Variants in DGKZ observed in about 807,000 individuals in gnomAD.
DGKZ encodes the protein diacylglycerol kinase zeta, also known as DAG kinase zeta.
A neutral mutation model predicts 142.5 loss-of-function variants in DGKZ; 45 were observed. That is an observed-to-expected ratio of 0.32 (90% confidence interval 0.25 to 0.40). The LOEUF (loss-of-function observed/expected upper bound fraction) is 0.40. DGKZ is among the 10% of genes least tolerant of loss of function. The probability of loss-of-function intolerance (pLI) is 1.00; values close to 1 mark genes in which losing one functional copy is unlikely to be tolerated. For synonymous variants in DGKZ, 442 were observed against 527.0 expected (o/e 0.84, Z 2.21); for missense variants, 755 against 1,306.5 (o/e 0.58, Z 6.51).
At chr11:46,368,663 G>C (rs1049064445) in intron 4 of DGKZ, 6 of 196,184 alleles carry the variant, frequency 3.1e-5, no homozygotes, top group African/African-American at 4.7e-5. Context: ...GCTCACACAG[G>C]CTGCTTTCCC....
chr11:46,357,874 C>T (rs1324768240), intron 1 of DGKZ, among the ~76,000 whole-genome samples: 5 of 152,150 alleles, frequency 3.3e-5, no homozygotes, highest in African/African-American at 4.8e-5. Flanking sequence ...GTGCCAGGTG[C>T]GGCGGCACAG....
rs1026048523 is a variant in DGKZ, at chr11:46,347,475, AGCG to A, written c.-176_-174del. 1.0e-6 allele frequency: 1 copy of A among 981,550 alleles called. No individual in the cohort carries two copies. The highest frequency in any genetic ancestry group is 1.2e-6 in the Non-Finnish European group (1 of 828,572). 60.8% of individuals were successfully genotyped at this position (981,550 alleles called of 1,614,324 possible). ...GGCCGCGGCTGGCGGCACTTCCTGGAGCGGCGGCGGCAGCGGCTTCCCGGGCAC... is the reference window on the plus strand; with the variant it reads ...GGCCGCGGCTGGCGGCACTTCCTGGAGCGGCGGCAGCGGCTTCCCGGGCAC... On this transcript the variant is annotated 5_prime_UTR_variant, in exon 1 of 31. Transcript: ENST00000527911. This position sits in a 1 kb window ranked among gnomAD's most constrained non-coding sequence, Gnocchi z 6.4.
At chr11:46,341,344 A>G (rs1206989467) in intron 1 of DGKZ, among the ~76,000 whole-genome samples, 1 of 152,234 alleles carries the variant, frequency 6.6e-6, no homozygotes, top group Non-Finnish European at 1.5e-5. Context: ...AGCAAGACTA[A>G]GTGCACAAAA....
At chr11:46,346,371 C>T (rs1444126444), upstream of DGKZ, among the ~76,000 whole-genome samples, 1 of 152,098 alleles carries the variant, frequency 6.6e-6, no homozygotes, top group Non-Finnish European at 1.5e-5. Context: ...GACCATGCTT[C>T]CCAGCTCCTG....
intron 25 of DGKZ, chr11:46,377,871 G>T: frequency 2.5e-6 from 1 of 396,310 alleles, no homozygotes; most frequent in Non-Finnish European, 4.6e-6. Context: ...CAGCTTGGCT[G>T]TTTCCTCCTT....
At chr11:46,369,653 G>C in intron 5 of DGKZ, 103 bp downstream of exon 5, 3 of 1,458,164 alleles carry the variant, frequency 2.1e-6, no homozygotes, top group Non-Finnish European at 2.9e-6. Context: ...CTCCCTCTAG[G>C]CTGCTGCTCA....
Position 46,367,968 on chromosome 11 carries a change from G to C in DGKZ, c.367-34G>C, listed in dbSNP as rs751846039. ...GGCAGCCTCCGAGATAGACTTACCTGGTGCCTCAGGGGCCCTCTCTTCCTG... is the reference window on the plus strand; with the variant it reads ...GGCAGCCTCCGAGATAGACTTACCTCGTGCCTCAGGGGCCCTCTCTTCCTG... On this transcript the variant is annotated intron_variant, in intron 3 of 30. Coordinates refer to ENST00000527911, the Ensembl canonical transcript of DGKZ. This position sits in a 1 kb window ranked among gnomAD's most constrained non-coding sequence, Gnocchi z 4.1. The C allele has an allele frequency of 6.2e-7, 1 of 1,611,456 alleles. No individual in the cohort carries two copies. The highest frequency in any genetic ancestry group is 1.7e-5 in the Admixed American group (1 of 60,008).
chr11:46,371,836 GTAC>G (rs1565063700), intron 9 of DGKZ, 61 bp downstream of exon 9: 1 of 1,558,118 alleles, frequency 6.4e-7, no homozygotes, highest in Non-Finnish European at 8.7e-7. Context: ...GTTGCTCAGG[GTAC>G]AGAACTTCCA....
At chr11:46,376,972 T>G in intron 24 of DGKZ, 101 bp from the exon 25 acceptor site, 1 of 1,083,792 alleles carries the variant, frequency 9.2e-7, no homozygotes, top group Non-Finnish European at 1.4e-6. Flanking sequence ...CCTTTCAGTG[T>G]TTGTGCTCAT....
At chr11:46,338,223 G>T (rs974127897) in intron 1 of DGKZ, among the ~76,000 whole-genome samples, 11 of 152,148 alleles carry the variant, frequency 7.2e-5, no homozygotes, top group African/African-American at 2.7e-4. Flanking sequence ...CTTGCCGGGC[G>T]TGGTGGCTCA....
Position 46,366,618 on chromosome 11 carries a change from G to T in DGKZ, c.162-673G>T, listed in dbSNP as rs1211026191. On this transcript the variant is annotated intron_variant, in intron 1 of 30. Transcript: ENST00000527911. ...CTTGTGGGCATGAATGAGGAGGAGGGTGTCCAGGAGGATGTGGTAGCCGAG... is the reference window on the plus strand; with the variant it reads ...CTTGTGGGCATGAATGAGGAGGAGGTTGTCCAGGAGGATGTGGTAGCCGAG... 6.2e-7 allele frequency: 1 copy of T among 1,607,322 alleles called. No individual in the cohort carries two copies. Among genetic ancestry groups the T allele is most frequent in the South Asian group, 1.1e-5 (1 of 89,786 alleles).
exon 31 of DGKZ, chr11:46,380,188 C>G: frequency 2.1e-6 from 1 of 475,434 alleles, no homozygotes; most frequent in East Asian, 3.6e-5. Context: ...CAAGACACGG[C>G]TGGGTTGGAT....
At chr11:46,369,430 T>A (rs1379158705) in intron 4 of DGKZ, 64 bp from the exon 5 acceptor site, 4 of 1,597,074 alleles carry the variant, frequency 2.5e-6, no homozygotes, top group Non-Finnish European at 2.6e-6. Flanking sequence ...CTGGAGGGAG[T>A]GACCACATAC....
intron 25 of DGKZ, chr11:46,377,787 G>T: frequency 3.5e-6 from 1 of 288,562 alleles, no homozygotes. Context: ...GCCACCACTG[G>T]ACTTCTGTCA....
In DGKZ at chr11:46,373,052, C is replaced by G. The variant is rs751547380; in HGVS notation, c.1277C>G (p.Pro426Arg). ...GACCGCTGGGACCTCCACGCTGAGC[C>G]CAACCCCGAGGCAGGGCCTGAGGAC... Residue 426 changes from proline (P) to arginine (R), a missense_variant, in exon 14 of 31, where the codon CCC (proline) becomes CGC (arginine). Pro to Arg is a moderately radical substitution (Grantham distance 103). This residue lies in a region of DGKZ where 191 missense variants were observed against 472.1 expected (regional missense o/e 0.40). Coordinates refer to ENST00000527911, the Ensembl canonical transcript of DGKZ. The G allele has an allele frequency of 1.9e-6, 3 of 1,543,490 alleles. No individual in the cohort carries two copies. In the South Asian group the frequency reaches 3.6e-5, roughly 19 times the overall value.
chr11:46,354,963 C>T, intron 1 of DGKZ, among the ~76,000 whole-genome samples: 1 of 152,192 alleles, frequency 6.6e-6, no homozygotes, highest in Non-Finnish European at 1.5e-5. Context: ...GGGTGGTGTG[C>T]AGTTTTTCGC....
chr11:46,345,355 C>A (rs991156799), upstream of DGKZ: 28 of 1,394,642 alleles, frequency 2.0e-5, no homozygotes, highest in East Asian at 8.9e-5. The surrounding 1 kb of genome is among the most constrained non-coding windows in gnomAD (Gnocchi z 4.1). Context: ...AGGCCCCCCC[C>A]TCGACCCCAC....
At chr11:46,344,428 C>G (rs1375668398), upstream of DGKZ, among the ~76,000 whole-genome samples, 1 of 151,372 alleles carries the variant, frequency 6.6e-6, no homozygotes, top group African/African-American at 2.4e-5. Flanking sequence ...CTTCTTTATT[C>G]CTCAGATAAC....
chr11:46,362,381 G>C (rs189893180), intron 1 of DGKZ, among the ~76,000 whole-genome samples: 92 of 152,290 alleles, frequency 6.0e-4, no homozygotes, highest in African/African-American at 2.1e-3. Context: ...GGCCGGCTCT[G>C]TTCCTCATGC....
Sources: allele counts gnomAD v4.1 joint callset (sites outside exome capture counted in the v4.1 genomes callset), GRCh38; gene constraint gnomAD v4.1.1; regional missense constraint gnomAD v4.1.1; non-coding constraint Gnocchi (gnomAD v3.1); transcripts MANE v1.5; gene names NCBI Gene and HGNC (gene_info 2026-07-23, HGNC 2026-07-21).